The following CALD1 variants were observed in gnomAD, a reference collection of about 807,000 sequenced individuals.
CALD1 encodes the protein caldesmon 1.
CALD1 carries 33 observed loss-of-function variants against 99.9 expected under a neutral mutation model. The observed-to-expected ratio is 0.33, with a 90% CI of 0.25 to 0.44. The LOEUF (loss-of-function observed/expected upper bound fraction) is 0.44. Ranked by LOEUF, CALD1 falls within the 20% of genes least tolerant of loss-of-function variation. CALD1 has a pLI of 1.00. For missense variants in CALD1, 861 were observed against 962.1 expected (o/e 0.89, Z 1.39); for synonymous variants, 310 against 325.0 (o/e 0.95, Z 0.50).
At chr7:134,897,549 G>A (rs1283209872) in intron 3 of CALD1, among the ~76,000 whole-genome samples, 2 of 152,112 alleles carry the variant, frequency 1.3e-5, no homozygotes, top group Non-Finnish European at 2.9e-5. Context: ...ACAAACCGAA[G>A]TTTGAAAACC....
intron 3 of CALD1, among the ~76,000 whole-genome samples, chr7:134,916,498 T>G (rs187953156): frequency 6.6e-6 from 1 of 152,186 alleles, no homozygotes; most frequent in Non-Finnish European, 1.5e-5. Flanking sequence ...AGGCCTGTTA[T>G]GAAAATCTAT....
At chr7:134,966,491 A>G (rs1246049547) in intron 14 of CALD1, among the ~76,000 whole-genome samples, 1 of 152,138 alleles carries the variant, frequency 6.6e-6, no homozygotes, top group Non-Finnish European at 1.5e-5. Context: ...CTACCTTCTT[A>G]CCCTCCATTA....
At chr7:134,836,946 A>C (rs1799466125) in intron 1 of CALD1, among the ~76,000 whole-genome samples, 1 of 152,212 alleles carries the variant, frequency 6.6e-6, no homozygotes, top group Admixed American at 6.5e-5. Context: ...ATTGTCCAAG[A>C]GAAAGGAGAA....
chr7:134,745,716 C>A (rs1405819761), intron 1 of CALD1: 2 of 152,228 alleles, frequency 1.3e-5, no homozygotes. Context: ...TCTGGAGGAA[C>A]TGTCGTTTTG....
intron 1 of CALD1, among the ~76,000 whole-genome samples, chr7:134,792,626 TA>T (rs57157201): frequency 0.26 from 40,239 of 152,014 alleles, 6,669 homozygotes; most frequent in East Asian, 0.63. Flanking sequence ...TGTATTGGAT[TA>T]GGGGCCAACT....
intron 3 of CALD1, among the ~76,000 whole-genome samples, chr7:134,905,792 T>C (rs969195494): frequency 6.6e-6 from 1 of 152,086 alleles, no homozygotes. Context: ...AGTGTACCTC[T>C]TTCCCCAGCA....
intron 8 of CALD1, among the ~76,000 whole-genome samples, chr7:134,950,110 T>C (rs902322551): frequency 1.3e-5 from 2 of 152,164 alleles, no homozygotes; most frequent in Admixed American, 6.5e-5. Flanking sequence ...TTATCCCTGT[T>C]TTACAGATGA....
rs1482484918 is a variant in CALD1, at chr7:134,947,732, G to A, written c.1757G>A (p.Arg586Lys). Residue 586 changes from arginine to lysine, a missense_variant, in exon 8 of 15, where the codon AGG becomes AAG. By Grantham distance (26) the Arg-to-Lys change is conservative (BLOSUM62 2). Coordinates refer to ENST00000361675, the MANE Select transcript of CALD1 (RefSeq NM_033138.4). ...RKVLEEEEQR[R>K]KQEEADRKLR... is the part of the protein sequence containing the mutation. ...GTCCTGGAGGAGGAAGAGCAGAGGA[G>A]GAAGCAGGAGGAAGCCGATCGAAAA... 3 of 1,613,814 alleles carry A rather than the reference G, an allele frequency of 1.9e-6. No individual in the cohort carries two copies. The highest frequency in any genetic ancestry group is 2.7e-5 in the African/African-American group (2 of 74,942).
chr7:134,849,044 G>A (rs1345067680), intron 2 of CALD1, among the ~76,000 whole-genome samples: 1 of 151,950 alleles, frequency 6.6e-6, no homozygotes, highest in Non-Finnish European at 1.5e-5. Context: ...TTAATTAAAT[G>A]CAATGGAAAA....
At chr7:134,948,918 G>A (rs1471835812) in intron 8 of CALD1, among the ~76,000 whole-genome samples, 1 of 151,684 alleles carries the variant, frequency 6.6e-6, no homozygotes, top group Non-Finnish European at 1.5e-5. Context: ...CTGTCACCCA[G>A]GCTGGAGTGC....
At chr7:134,812,449 G>C (rs1452914) in intron 1 of CALD1, among the ~76,000 whole-genome samples, 93,691 of 151,900 alleles carry the variant, frequency 0.62, 29,312 homozygotes, top group East Asian at 0.95. Context: ...CACTTAGTGG[G>C]CCCATTCTTA....
intron 2 of CALD1, 72 bp from the exon 3 acceptor site, chr7:134,867,621 G>C (rs1800860836): frequency 5.6e-6 from 3 of 536,026 alleles, no homozygotes; most frequent in Non-Finnish European, 1.0e-5. Flanking sequence ...ATGGGAAAGA[G>C]GGCCCATAGT....
Position 134,960,260 on chromosome 7 carries a change from A to G in CALD1, c.2199+149A>G, listed in dbSNP as rs896811879. On this transcript the variant is annotated intron_variant, in intron 12 of 14. Transcript: ENST00000361675. ...TTGCAATGACCACAAAAGCAAGCTC[A>G]GAGAGAATGTGTTTGTGAGGTTGCA... 3 of 898,412 alleles carry G rather than the reference A, an allele frequency of 3.3e-6. No individual in the cohort carries two copies. In the Admixed American group the frequency reaches 7.0e-5, roughly 21 times the overall value. 55.7% of individuals were successfully genotyped at this position (898,412 alleles called of 1,614,324 possible).
At chr7:134,845,066 C>T (rs1047510456) in intron 2 of CALD1, among the ~76,000 whole-genome samples, 8 of 152,130 alleles carry the variant, frequency 5.3e-5, no homozygotes, top group African/African-American at 1.2e-4. Context: ...GTTTATTGCA[C>T]GTGGGCTTCC....
intron 9 of CALD1, among the ~76,000 whole-genome samples, chr7:134,953,828 C>A (rs1371503127): frequency 6.6e-6 from 1 of 152,076 alleles, no homozygotes; most frequent in African/African-American, 2.4e-5. Flanking sequence ...TATCTACTCC[C>A]TCTGATGGAG....
chr7:134,798,293 G>C (rs376927130), intron 1 of CALD1, among the ~76,000 whole-genome samples: 1 of 152,202 alleles, frequency 6.6e-6, no homozygotes. Context: ...GGCCTCTTCT[G>C]TTCTCTGGTT....
chr7:134,792,511 C>T (rs931366167), intron 1 of CALD1, among the ~76,000 whole-genome samples: 4 of 152,010 alleles, frequency 2.6e-5, no homozygotes, highest in African/African-American at 7.2e-5. Flanking sequence ...AGGCTGGTCT[C>T]GAACTCCTGC....
rs1053297772 is a variant in CALD1 at position 134,823,768 on chromosome 7, T to G, written c.-129-20116T>G. Reference sequence around the variant, plus strand: ...GACTTTGAAAAAAATATATCATTTCTCAAACATACAATTCAATCCTTTTGG... The same window carrying G: ...GACTTTGAAAAAAATATATCATTTCGCAAACATACAATTCAATCCTTTTGG... On this transcript the variant is annotated intron_variant, in intron 1 of 14. Transcript: ENST00000361675. 7.9e-5 allele frequency among the ~76,000 whole-genome samples: 12 copies of G among 152,366 alleles called. No individual in the cohort carries two copies. In the East Asian group the frequency reaches 2.3e-3, roughly 29 times the overall value.
At chr7:134,940,556 C>A (rs1342660254) in intron 6 of CALD1, among the ~76,000 whole-genome samples, 2 of 152,176 alleles carry the variant, frequency 1.3e-5, no homozygotes, top group Non-Finnish European at 2.9e-5. Flanking sequence ...AATGTCCCAT[C>A]CTTGGGACAT....
Sources: gnomAD v4.1 joint callset for allele counts (sites outside exome capture counted in the v4.1 genomes callset) on GRCh38, gnomAD v4.1.1 for gene constraint, MANE v1.5 for transcripts, NCBI Gene and HGNC (gene_info 2026-07-23, HGNC 2026-07-21) for gene names.